Variants in PRKN observed in about 807,000 individuals in gnomAD.
PRKN encodes the protein E3 ubiquitin-protein ligase parkin.
A neutral mutation model predicts 59.5 loss-of-function variants in PRKN; 56 were observed. The observed-to-expected ratio is 0.94, with a 90% confidence interval of 0.76 to 1.18. The LOEUF (loss-of-function observed/expected upper bound fraction) is 1.18. Ranked by LOEUF, PRKN falls within the 50% of genes most tolerant of loss-of-function variation. PRKN has a pLI of 0.00. For missense variants in PRKN, 657 were observed against 596.4 expected (o/e 1.10, Z -1.06); for synonymous variants, 250 against 222.1 (o/e 1.13, Z -1.12).
chr6:162,477,049 T>C (rs1174942924), intron 1 of PRKN, among the ~76,000 whole-genome samples: 1 of 152,198 alleles, frequency 6.6e-6, no homozygotes, highest in Non-Finnish European at 1.5e-5. Flanking sequence ...GTTACTCTAC[T>C]TCCAGTATTG....
At chr6:162,350,821 TAA>T (rs763221128) in intron 2 of PRKN, among the ~76,000 whole-genome samples, 2 of 152,126 alleles carry the variant, frequency 1.3e-5, no homozygotes, top group Non-Finnish European at 2.9e-5. Context: ...AGTTACAAAT[TAA>T]ATGTGTTAAA....
intron 9 of PRKN, among the ~76,000 whole-genome samples, chr6:161,424,857 C>T (rs971441202): frequency 8.5e-5 from 13 of 152,174 alleles, no homozygotes; most frequent in South Asian, 2.1e-4. Flanking sequence ...CAATGTGAAG[C>T]GTCTTTACAT....
intron 1 of PRKN, among the ~76,000 whole-genome samples, chr6:162,455,329 T>C (rs1176847676): frequency 6.6e-6 from 1 of 152,186 alleles, no homozygotes; most frequent in East Asian, 1.9e-4. Flanking sequence ...TTTTGAGAAA[T>C]GCATCCTTAG....
intron 1 of PRKN, among the ~76,000 whole-genome samples, chr6:162,556,370 T>TGTGTGTGC (rs1554243460): frequency 1.0e-4 from 10 of 99,296 alleles, no homozygotes; most frequent in Admixed American, 4.4e-4. Context: ...TGTGTGTGTG[T>TGTGTGTGC]GTGTGTGTGT....
At chr6:162,050,474 C>T (rs1050134019) in intron 5 of PRKN, among the ~76,000 whole-genome samples, 11 of 149,490 alleles carry the variant, frequency 7.4e-5, no homozygotes, top group Non-Finnish European at 1.3e-4. Flanking sequence ...CACCCCCTCT[C>T]TTTTTTTTTC....
At chr6:161,906,659 C>CATACATATATATATATATATATAT (rs1554246315) in intron 6 of PRKN, among the ~76,000 whole-genome samples, 1 of 116,588 alleles carries the variant, frequency 8.6e-6, no homozygotes, top group African/African-American at 3.5e-5. Context: ...ATAGAACATA[C>CATACATATATATATATATATATAT]ATATATATAT....
chr6:161,863,023 A>G (rs1354242233), intron 6 of PRKN, among the ~76,000 whole-genome samples: 1 of 152,216 alleles, frequency 6.6e-6, no homozygotes, highest in African/African-American at 2.4e-5. Flanking sequence ...AAAGATCAAG[A>G]AGAATCAAGC....
intron 2 of PRKN, among the ~76,000 whole-genome samples, chr6:162,302,293 T>C (rs2128114055): frequency 6.6e-6 from 1 of 151,684 alleles, no homozygotes; most frequent in African/African-American, 2.4e-5. Flanking sequence ...GAGGAATCCA[T>C]TAATAGGATG....
chr6:162,280,771 T>C (rs1780855447), intron 2 of PRKN, among the ~76,000 whole-genome samples: 1 of 113,064 alleles, frequency 8.8e-6, no homozygotes, highest in South Asian at 3.3e-4. Context: ...TATTCCAGCC[T>C]GGGCTACAGA....
At chr6:162,176,380 C>A (rs186215705) in intron 4 of PRKN, among the ~76,000 whole-genome samples, 1 of 152,002 alleles carries the variant, frequency 6.6e-6, no homozygotes, top group Non-Finnish European at 1.5e-5. Flanking sequence ...AGAGCCACAC[C>A]GTCTCGTGGA....
chr6:161,479,148 T>C (rs1447446574), intron 9 of PRKN, among the ~76,000 whole-genome samples: 1 of 152,182 alleles, frequency 6.6e-6, no homozygotes, highest in Non-Finnish European at 1.5e-5. Flanking sequence ...ACTAAATCGT[T>C]CTGTATGCCG....
chr6:161,889,318 A>C (rs1036863592), intron 6 of PRKN, among the ~76,000 whole-genome samples: 3 of 152,206 alleles, frequency 2.0e-5, no homozygotes, highest in African/African-American at 7.2e-5. Flanking sequence ...GAATGTACAC[A>C]GCAGCTCCAA....
intron 3 of PRKN, among the ~76,000 whole-genome samples, chr6:162,246,249 G>T (rs916665837): frequency 2.0e-5 from 3 of 152,000 alleles, no homozygotes; most frequent in Non-Finnish European, 4.4e-5. Flanking sequence ...TCTGACTACT[G>T]TCCTTATAGG....
chr6:162,442,829 G>A (rs1301704082), intron 2 of PRKN, among the ~76,000 whole-genome samples: 1 of 152,104 alleles, frequency 6.6e-6, no homozygotes, highest in Non-Finnish European at 1.5e-5. Flanking sequence ...TTGCCAATGG[G>A]CCCCGGAGCC....
rs1429020285 is a variant in PRKN at position 161,393,433 on chromosome 6, G to C, written c.1084-6556C>G. On this transcript the variant is annotated intron_variant, in intron 9 of 11. Transcript: ENST00000366898. This position sits in a 1 kb window ranked among gnomAD's most constrained non-coding sequence, Gnocchi z 4.7. ...CTCTCTTTGCTGGTATACATGCTGA[G>C]GTAAGTCACTGTCAGCCCCCTTAGA... Among the ~76,000 whole-genome samples the C allele has an allele frequency of 6.6e-6, 1 of 152,114 alleles. No homozygotes were observed. Among genetic ancestry groups the C allele is most frequent in the Admixed American group, 6.5e-5 (1 of 15,284 alleles).
At chr6:162,053,065 A>C (rs902750535) in intron 5 of PRKN, among the ~76,000 whole-genome samples, 2 of 152,118 alleles carry the variant, frequency 1.3e-5, no homozygotes, top group African/African-American at 4.8e-5. Context: ...ATACCTCAAA[A>C]ATCTGTGAGT....
At chr6:161,834,599 G>C (rs1168731883) in intron 6 of PRKN, among the ~76,000 whole-genome samples, 1 of 152,248 alleles carries the variant, frequency 6.6e-6, no homozygotes, top group Non-Finnish European at 1.5e-5. Context: ...TTAGGAACAA[G>C]CCGGCTGGAA....
intron 1 of PRKN, among the ~76,000 whole-genome samples, chr6:162,488,837 C>T (rs1039344624): frequency 6.6e-6 from 1 of 152,104 alleles, no homozygotes; most frequent in East Asian, 1.9e-4. Flanking sequence ...ATGAAAGGGT[C>T]CTGCCCTCAT....
intron 1 of PRKN, among the ~76,000 whole-genome samples, chr6:162,658,596 G>A (rs1435793420): frequency 1.3e-5 from 2 of 150,336 alleles, no homozygotes. Context: ...GGGAGGCGGA[G>A]GTTGCAGTGA....
Sources: allele counts gnomAD v4.1 joint callset (sites outside exome capture counted in the v4.1 genomes callset), GRCh38; gene constraint gnomAD v4.1.1; non-coding constraint Gnocchi (gnomAD v3.1); transcripts MANE v1.5; gene names NCBI Gene and HGNC (gene_info 2026-07-23, HGNC 2026-07-21).